Variants in DACT2 observed in about 807,000 individuals in gnomAD.
The protein encoded by DACT2 is dapper homolog 2.
A neutral mutation model predicts 22.2 loss-of-function variants in DACT2; 20 were observed. The ratio of observed to expected loss-of-function variants is 0.90; its 90% CI spans 0.63 to 1.31. The LOEUF is 1.31. Among genes scored for constraint, DACT2 ranks in the 50% most tolerant of loss-of-function variants. The pLI is 0.00. For synonymous variants in DACT2, 463 were observed against 479.8 expected (o/e 0.96, Z 0.46); for missense variants, 1,048 against 1,061.4 (o/e 0.99, Z 0.18).
At position 168,319,620 on chromosome 6, in the gene DACT2, C is replaced by A; in HGVS notation, c.14G>T (p.Gly5Val). 7.7e-7 allele frequency: 1 copy of A among 1,302,758 alleles called. No homozygotes were observed. The highest frequency in any genetic ancestry group is 2.0e-5 in the South Asian group (1 of 50,006). 80.7% of individuals were successfully genotyped at this position (1,302,758 alleles called of 1,614,324 possible). MWTP[G>V]GPPGSAGWDR... ...CCAGCCCGCGGACCCCGGGGGTCCG[C>A]CCGGCGTCCACATCTCCCGGGCAGG... Residue 5 changes from glycine (G) to valine (V), a missense_variant, in exon 1 of 4, where the codon GGC (glycine) becomes GTC (valine). Gly to Val is a moderately radical substitution (Grantham distance 109). Coordinates refer to ENST00000366795, the MANE Select transcript of DACT2 (RefSeq NM_214462.5).
At chr6:168,294,884 A>T (rs908009656) in intron 3 of DACT2, among the ~76,000 whole-genome samples, 1 of 152,322 alleles carries the variant, frequency 6.6e-6, no homozygotes, top group Non-Finnish European at 1.5e-5. Context: ...AATTTTCTAT[A>T]CTTTGAATGA....
chr6:168,309,412 C>T (rs1779333599), intron 3 of DACT2, among the ~76,000 whole-genome samples: 1 of 151,430 alleles, frequency 6.6e-6, no homozygotes, highest in African/African-American at 2.4e-5. Flanking sequence ...CGCACAGGGC[C>T]GTTTGCGTGT....
At chr6:168,292,945 T>G (rs922949710) in exon 6 of DACT2, 1 of 152,156 alleles carries the variant, frequency 6.6e-6, no homozygotes. Context: ...ATGAAAGAAA[T>G]TTCATAGGCC....
chr6:168,294,943 C>T (rs1049379396), intron 3 of DACT2, among the ~76,000 whole-genome samples: 1 of 152,194 alleles, frequency 6.6e-6, no homozygotes, highest in African/African-American at 2.4e-5. Context: ...GAAACCGTGG[C>T]ATGAAAAGGA....
At chr6:168,299,482 A>T (rs1779065581) in intron 3 of DACT2, 1 of 152,244 alleles carries the variant, frequency 6.6e-6, no homozygotes, top group Non-Finnish European at 1.5e-5. Context: ...AGGATATTTG[A>T]CAGTGAATAA....
At chr6:168,306,394 C>G (rs1779205455), downstream of DACT2, among the ~76,000 whole-genome samples, 1 of 142,124 alleles carries the variant, frequency 7.0e-6, no homozygotes, top group Non-Finnish European at 1.5e-5. Context: ...GAAAAGTAAA[C>G]ACCAAAAAAA....
Position 168,310,173 on chromosome 6 carries a change from GAC to G in DACT2, c.651_652del (p.Ser218TyrfsTer3). The G allele has an allele frequency of 1.3e-6, 2 of 1,549,564 alleles. No individual in the cohort carries two copies. The highest frequency in any genetic ancestry group is 1.7e-6 in the Non-Finnish European group (2 of 1,146,778). On this transcript the variant is annotated frameshift_variant, in exon 3 of 4. Coordinates refer to ENST00000366795, the MANE Select transcript of DACT2 (RefSeq NM_214462.5). LOFTEE classifies it low-confidence loss of function (END_TRUNC). Reference sequence around the variant, plus strand: ...CTTCCCTGGCAGTTTCTTACCTGTAGACACAGGCCTGGGCCAGAATGTGCCCC... The same window carrying G: ...CTTCCCTGGCAGTTTCTTACCTGTAGACAGGCCTGGGCCAGAATGTGCCCC...
chr6:168,304,035 G>A (rs891392403), downstream of DACT2, among the ~76,000 whole-genome samples: 1 of 152,130 alleles, frequency 6.6e-6, no homozygotes, highest in Non-Finnish European at 1.5e-5. Flanking sequence ...TTGTAAGCAT[G>A]CTAGAAGTTA....
At position 168,307,266 on chromosome 6, in the gene DACT2, G is replaced by A; in HGVS notation, c.*166C>T. On this transcript the variant is annotated 3_prime_UTR_variant, in exon 4 of 4. Coordinates refer to ENST00000366795, the MANE Select transcript of DACT2 (RefSeq NM_214462.5). This position sits in a 1 kb window ranked among gnomAD's most constrained non-coding sequence, Gnocchi z 5.3. ...GTCTTTGCTGGGGCGGGGACTCACG[G>A]CCATACTCCACAGGGCAGAACCCAT... 1 of 1,436,636 alleles carries A rather than the reference G, an allele frequency of 7.0e-7. No individual in the cohort carries two copies. The highest frequency in any genetic ancestry group is 9.1e-7 in the Non-Finnish European group (1 of 1,097,846). The allele number at this position is 1,436,636 out of a possible 1,614,324, so 89.0% of individuals were successfully genotyped here.
chr6:168,311,559 C>CACACACA (rs61336797), intron 1 of DACT2, among the ~76,000 whole-genome samples: 1 of 82,976 alleles, frequency 1.2e-5, no homozygotes, highest in African/African-American at 4.3e-5. Context: ...CATACACACA[C>CACACACA]TCACACACAA....
intron 3 of DACT2, chr6:168,300,200 C>T (rs1377554011): frequency 2.0e-5 from 3 of 152,488 alleles, no homozygotes; most frequent in African/African-American, 7.2e-5. Flanking sequence ...AAGGGGTCCC[C>T]CTCACTGCTG....
intron 3 of DACT2, among the ~76,000 whole-genome samples, chr6:168,295,919 C>T (rs756060560): frequency 3.9e-5 from 6 of 152,012 alleles, no homozygotes; most frequent in Admixed American, 1.3e-4. Context: ...GGAGACCTCA[C>T]GTACGTGATG....
At position 168,307,866 on chromosome 6, in the gene DACT2, G is replaced by A. The variant is rs536560245; in HGVS notation, c.1891C>T (p.Pro631Ser). ...LASCPESNLG[P>S]PRPVARRAGG... ...GCTCTCCTGGCCACGGGCCTGGGGG[G>A]CCCCAGGTTAGACTCAGGACAGCTG... The change falls in exon 4 of 4, where the codon CCC becomes TCC. Residue 631 changes from proline to serine, a missense_variant. Physicochemically the swap from Pro to Ser is moderately conservative, Grantham distance 74. Transcript: ENST00000366795. This position sits in a 1 kb window ranked among gnomAD's most constrained non-coding sequence, Gnocchi z 5.3. 35 of 1,539,066 alleles carry A rather than the reference G, an allele frequency of 2.3e-5. No homozygotes were observed. Among genetic ancestry groups the A allele is most frequent in the African/African-American group, 1.1e-4 (8 of 72,956 alleles).
chr6:168,298,997 T>G (rs1371808018), intron 3 of DACT2: 1 of 152,204 alleles, frequency 6.6e-6, no homozygotes, highest in African/African-American at 2.4e-5. Flanking sequence ...TCGTTAAAAA[T>G]AAATAGTAGA....
intron 3 of DACT2, chr6:168,298,889 A>T (rs1183964569): frequency 6.6e-6 from 1 of 151,944 alleles, no homozygotes; most frequent in Non-Finnish European, 1.5e-5. Flanking sequence ...GTGTAGATAT[A>T]AAATACCCAC....
At chr6:168,303,198 C>T (rs9456047), downstream of DACT2, among the ~76,000 whole-genome samples, 22,807 of 152,094 alleles carry the variant, frequency 0.15, 2,279 homozygotes, top group African/African-American at 0.29. Context: ...ATGTATTTAA[C>T]GTTTAGGATC....
At position 168,294,577 on chromosome 6, in the gene DACT2, G is replaced by GTATATATATATATATATATA. The variant is rs1554269708; in HGVS notation, c.730+36_730+55dup. ...TGTGTGTGTATGTGTGTGTGTGTGT[G>GTATATATATATATATATATA]TATATATATATATATATATATATAT... On this transcript the variant is annotated intron_variant, in intron 4 of 5. Coordinates refer to the DACT2 transcript ENST00000366796. 5.3e-3 allele frequency: 662 copies of GTATATATATATATATATATA among 124,262 alleles called. 31 individuals are homozygous for GTATATATATATATATATATA. The highest frequency in any genetic ancestry group is 0.033 in the African/African-American group (573 of 17,432). 7.7% of individuals were successfully genotyped at this position (124,262 alleles called of 1,614,324 possible).
chr6:168,307,378 G>A lies in DACT2; in HGVS notation c.*54C>T. On this transcript the variant is annotated 3_prime_UTR_variant, in exon 4 of 4. Coordinates refer to ENST00000366795, the MANE Select transcript of DACT2 (RefSeq NM_214462.5). This position sits in a 1 kb window ranked among gnomAD's most constrained non-coding sequence, Gnocchi z 5.3. ...GAAACCCAGACATGCACAGGACACT[G>A]CATGGAAAGGGCCCCTGTGTGCAGC... 6.5e-7 allele frequency: 1 copy of A among 1,544,258 alleles called. No homozygotes were observed. The highest frequency in any genetic ancestry group is 2.0e-5 in the Admixed American group (1 of 49,914).
downstream of DACT2, among the ~76,000 whole-genome samples, chr6:168,305,272 G>A (rs1001961317): frequency 7.0e-4 from 106 of 152,166 alleles, no homozygotes; most frequent in Admixed American, 6.5e-4. Context: ...GGAGCAGGAA[G>A]GAATTCGCTT....
Sources: gnomAD v4.1 joint callset for allele counts (sites outside exome capture counted in the v4.1 genomes callset) on GRCh38, gnomAD v4.1.1 for gene constraint, Gnocchi (gnomAD v3.1) non-coding constraint, MANE v1.5 for transcripts, NCBI Gene and HGNC (gene_info 2026-07-23, HGNC 2026-07-21) for gene names.